MYOCD: variants seen among roughly 807,000 people sequenced by gnomAD.
MYOCD encodes the protein myocardin.
A neutral mutation model predicts 96.1 loss-of-function variants in MYOCD; 32 were observed. The observed-to-expected ratio is 0.33, with a 90% CI of 0.25 to 0.45. The LOEUF (loss-of-function observed/expected upper bound fraction) is 0.45. Among genes scored for constraint, MYOCD ranks in the 20% least tolerant of loss-of-function variants. The pLI is 1.00. For missense variants in MYOCD, 1,133 were observed against 1,200.6 expected (o/e 0.94, Z 0.83); for synonymous variants, 469 against 469.0 (o/e 1.00, Z 0.00).
rs1405680625 is a variant in MYOCD, at chr17:12,736,303, T to C, written c.558T>C (p.Asp186=). The change falls in exon 6 of 14, where the codon GAT becomes GAC. Residue 186 remains aspartate (D), a synonymous_variant. Coordinates refer to ENST00000425538, the MANE Select transcript of MYOCD (RefSeq NM_001146312.3). ...CCCCGCCAGACGCTAAAGCCTCAGA[T>C]ACCCCTTCGACAGGTTCTCTGGGGA... ...AGSPPDAKAS[D]TPSTGSLGTN... 1 of 1,614,188 alleles carries C rather than the reference T, an allele frequency of 6.2e-7. No homozygotes were observed. Among genetic ancestry groups the C allele is most frequent in the Admixed American group, 1.7e-5 (1 of 60,022 alleles).
At chr17:12,747,950 G>A (rs2150714615) in intron 9 of MYOCD, among the ~76,000 whole-genome samples, 1 of 150,566 alleles carries the variant, frequency 6.6e-6, no homozygotes, top group South Asian at 2.1e-4. Context: ...GGATCATGAA[G>A]TCAAGAGATC....
At chr17:12,755,412 C>T (rs1412622111) in intron 10 of MYOCD, among the ~76,000 whole-genome samples, 1 of 152,126 alleles carries the variant, frequency 6.6e-6, no homozygotes, top group Non-Finnish European at 1.5e-5. Context: ...AGTTCGAGAC[C>T]AGCCTGGCCA....
intron 1 of MYOCD, among the ~76,000 whole-genome samples, chr17:12,703,835 T>G (rs551578362): frequency 6.6e-6 from 1 of 152,296 alleles, no homozygotes; most frequent in East Asian, 1.9e-4. Flanking sequence ...ATTCTTCTAT[T>G]AAGTCCATTC....
intron 1 of MYOCD, among the ~76,000 whole-genome samples, chr17:12,690,575 G>C (rs778144987): frequency 4.6e-5 from 7 of 151,920 alleles, no homozygotes; most frequent in Non-Finnish European, 8.8e-5. Flanking sequence ...GAAAAGCAAG[G>C]CACAAAATAG....
At chr17:12,716,956 T>C (rs528921501) in intron 3 of MYOCD, among the ~76,000 whole-genome samples, 9 of 132,862 alleles carry the variant, frequency 6.8e-5, no homozygotes, top group Non-Finnish European at 1.1e-4. Flanking sequence ...TGCCACTGCA[T>C]TCCAGCCTGG....
rs149104165 is a variant in MYOCD, at chr17:12,752,759, G to A, written c.1471G>A (p.Val491Met). 5.1e-4 allele frequency: 823 copies of A among 1,614,078 alleles called. No homozygotes were observed. Among genetic ancestry groups the A allele is most frequent in the Non-Finnish European group, 6.4e-4 (758 of 1,180,014 alleles). ...SFGLHPSPVHVCTEESLMSSL... is the reference protein window; with the variant it reads ...SFGLHPSPVHMCTEESLMSSL... Reference sequence around the variant, plus strand: ...CGGCCTGCACCCGTCCCCAGTCCACGTGTGCACGGAGGAAAGTCTCATGAG... The same window carrying A: ...CGGCCTGCACCCGTCCCCAGTCCACATGTGCACGGAGGAAAGTCTCATGAG... Residue 491 changes from valine (V) to methionine (M), a missense_variant, in exon 10 of 14, where the codon GTG becomes ATG. Transcript: ENST00000425538.
rs143223737 is a variant in MYOCD at position 12,752,671 on chromosome 17, C to G, written c.1383C>G (p.Ala461=). ...GCTCCAGCCCCCCGATCTCCCCAGC[C>G]TCCTCTGACCTGTCAGTCGCTGGGT... ...STSSSPPISP[A]SSDLSVAGSL... The change falls in exon 10 of 14, where the codon GCC becomes GCG. Residue 461 remains alanine, a synonymous_variant. Transcript: ENST00000425538. 3.7e-6 allele frequency: 6 copies of G among 1,614,170 alleles called. No individual in the cohort carries two copies. The highest frequency in any genetic ancestry group is 5.1e-6 in the Non-Finnish European group (6 of 1,180,016).
intron 1 of MYOCD, among the ~76,000 whole-genome samples, chr17:12,679,958 C>T (rs993482080): frequency 6.6e-6 from 1 of 152,262 alleles, no homozygotes; most frequent in Admixed American, 6.5e-5. Context: ...TTAATTTTGC[C>T]TTTCATCCTG....
intron 9 of MYOCD, among the ~76,000 whole-genome samples, chr17:12,749,982 T>C (rs1250892609): frequency 2.6e-5 from 4 of 152,004 alleles, no homozygotes; most frequent in Non-Finnish European, 5.9e-5. Context: ...CCCGAATAGC[T>C]GGGACTACAG....
intron 1 of MYOCD, among the ~76,000 whole-genome samples, chr17:12,691,930 C>T (rs2030468796): frequency 6.6e-6 from 1 of 152,168 alleles, no homozygotes; most frequent in Non-Finnish European, 1.5e-5. Context: ...TTATGTAAAA[C>T]ACTTCAGTCC....
At chr17:12,726,896 T>C (rs2032016051) in intron 5 of MYOCD, among the ~76,000 whole-genome samples, 1 of 152,152 alleles carries the variant, frequency 6.6e-6, no homozygotes, top group East Asian at 1.9e-4. Flanking sequence ...TTTTTTTCAA[T>C]TTTGCCCATG....
chr17:12,700,984 G>A (rs2031045590), intron 1 of MYOCD, among the ~76,000 whole-genome samples: 1 of 151,806 alleles, frequency 6.6e-6, no homozygotes, highest in Non-Finnish European at 1.5e-5. Flanking sequence ...CTGTGTTTTT[G>A]GTATCAATTT....
At chr17:12,737,012 T>C (rs1020249787) in intron 6 of MYOCD, among the ~76,000 whole-genome samples, 1 of 152,188 alleles carries the variant, frequency 6.6e-6, no homozygotes, top group Non-Finnish European at 1.5e-5. Context: ...CCCGGCACTT[T>C]GGGAGGCTGA....
At chr17:12,754,186 C>A (rs1366370204) in intron 10 of MYOCD, among the ~76,000 whole-genome samples, 1 of 151,992 alleles carries the variant, frequency 6.6e-6, no homozygotes, top group African/African-American at 2.4e-5. Context: ...CTCACTGCAA[C>A]CTCTGCCTCC....
rs1004513466 is a variant in MYOCD at position 12,753,540 on chromosome 17, G to A, written c.2058+194G>A. On this transcript the variant is annotated intron_variant, in intron 10 of 13. Coordinates refer to ENST00000425538, the MANE Select transcript of MYOCD (RefSeq NM_001146312.3). Reference sequence around the variant, plus strand: ...TCACTCATCCTCTAAGGCAGGGGTTGGCAAACTTACTCTGTAAAGGGCGAG... The same window carrying A: ...TCACTCATCCTCTAAGGCAGGGGTTAGCAAACTTACTCTGTAAAGGGCGAG... 8.5e-5 allele frequency among the ~76,000 whole-genome samples: 13 copies of A among 152,300 alleles called. 1 individual carries two copies. The South Asian group carries it at 1.9e-3, about 22-fold the overall frequency.
intron 1 of MYOCD, among the ~76,000 whole-genome samples, chr17:12,684,905 G>C (rs1019887218): frequency 6.6e-6 from 1 of 151,906 alleles, no homozygotes; most frequent in African/African-American, 2.4e-5. Flanking sequence ...CCAAGCACAG[G>C]GTCCTTCTAA....
At chr17:12,671,281 G>C (rs1464528701) in intron 1 of MYOCD, among the ~76,000 whole-genome samples, 1 of 152,068 alleles carries the variant, frequency 6.6e-6, no homozygotes, top group East Asian at 1.9e-4. Flanking sequence ...TTCCTCTAAA[G>C]TCTATTCAAA....
At position 12,766,804 on chromosome 17, in the gene MYOCD, T is replaced by G. The variant is rs2033350732; in HGVS notation, c.*3160T>G. 6.6e-6 allele frequency: 1 copy of G among 152,128 alleles called. No homozygotes were observed. Among genetic ancestry groups the G allele is most frequent in the African/African-American group, 2.4e-5 (1 of 41,406 alleles). 9.4% of individuals were successfully genotyped at this position (152,128 alleles called of 1,614,324 possible). On this transcript the variant is annotated 3_prime_UTR_variant, in exon 14 of 14. Coordinates refer to ENST00000425538, the MANE Select transcript of MYOCD (RefSeq NM_001146312.3). ...GAAGACTTGAAGACATTTGCAGCTATCTGCTGCAGTCTGGTAGATTCATAC... is the reference window on the plus strand; with the variant it reads ...GAAGACTTGAAGACATTTGCAGCTAGCTGCTGCAGTCTGGTAGATTCATAC...
intron 5 of MYOCD, among the ~76,000 whole-genome samples, chr17:12,733,309 C>A (rs370320632): frequency 7.9e-4 from 106 of 134,876 alleles, no homozygotes; most frequent in South Asian, 1.2e-3. Flanking sequence ...GACTCCATCT[C>A]AAAAAAAAAA....
Sources: allele counts gnomAD v4.1 joint callset (sites outside exome capture counted in the v4.1 genomes callset), GRCh38; gene constraint gnomAD v4.1.1; transcripts MANE v1.5; gene names NCBI Gene and HGNC (gene_info 2026-07-23, HGNC 2026-07-21).